Variants in SVEP1 observed in about 807,000 individuals in gnomAD.
SVEP1 encodes sushi, von Willebrand factor type A, EGF and pentraxin domain-containing protein 1.
A neutral mutation model predicts 367.3 loss-of-function variants in SVEP1; 164 were observed. That is an observed-to-expected ratio of 0.45 (90% CI 0.39 to 0.51). The LOEUF (loss-of-function observed/expected upper bound fraction) is 0.51. Ranked by LOEUF, SVEP1 falls within the 20% of genes least tolerant of loss-of-function variation. The pLI, the probability that SVEP1 is intolerant of heterozygous loss-of-function variation, is 0.00. For synonymous variants in SVEP1, 1,666 were observed against 1,611.6 expected (o/e 1.03, Z -0.81); for missense variants, 4,117 against 4,425.3 (o/e 0.93, Z 1.98).
At chr9:110,433,951 G>T (rs990953127) in intron 30 of SVEP1, among the ~76,000 whole-genome samples, 4 of 152,152 alleles carry the variant, frequency 2.6e-5, no homozygotes, top group African/African-American at 2.4e-5. Flanking sequence ...CCAGGACCTA[G>T]ATCAGTGCCT....
At chr9:110,436,349 A>AT (rs758890266) in intron 28 of SVEP1, 31 bp downstream of exon 28, 2 of 1,612,922 alleles carry the variant, frequency 1.2e-6, no homozygotes, top group African/African-American at 2.7e-5. Flanking sequence ...TTTGCATCTC[A>AT]TTACTGTCAT....
intron 42 of SVEP1, 26 bp downstream of exon 42, chr9:110,387,259 A>C (rs1342219791): frequency 1.3e-6 from 2 of 1,549,084 alleles, no homozygotes; most frequent in Non-Finnish European, 1.7e-6. Context: ...AATCTGATTA[A>C]AATTTCTCCT....
At position 110,374,508 on chromosome 9, in the gene SVEP1, G is replaced by A. The variant is rs562213513; in HGVS notation, c.10600+860C>T. ...CTACTAAAAATAGAAAAATTAGCAG[G>A]GTATGGCAGCAGGTGACTGTAATCC... On this transcript the variant is annotated intron_variant, in intron 46 of 47. Transcript: ENST00000374469. Among the ~76,000 whole-genome samples the A allele has an allele frequency of 7.3e-4, 111 of 152,216 alleles. 1 individual carries two copies. The highest frequency in any genetic ancestry group is 2.6e-3 in the African/African-American group (107 of 41,518).
At chr9:110,472,060 A>T in intron 15 of SVEP1, 99 bp downstream of exon 15, 1 of 1,236,586 alleles carries the variant, frequency 8.1e-7, no homozygotes, top group Non-Finnish European at 1.1e-6. Context: ...TTCCAGAGTC[A>T]TTTCCTAATA....
intron 17 of SVEP1, among the ~76,000 whole-genome samples, chr9:110,468,678 C>T (rs1275132166): frequency 6.6e-6 from 1 of 152,224 alleles, no homozygotes. Context: ...CCCAATAGGT[C>T]ATTCTACTCC....
chr9:110,476,868 C>T (rs117150197), intron 13 of SVEP1, among the ~76,000 whole-genome samples: 7 of 152,136 alleles, frequency 4.6e-5, no homozygotes, highest in African/African-American at 1.7e-4. Flanking sequence ...CTCTTCGTTG[C>T]TGTTTCCAGA....
intron 3 of SVEP1, among the ~76,000 whole-genome samples, chr9:110,541,073 T>G (rs1830138984): frequency 6.6e-6 from 1 of 152,180 alleles, no homozygotes; most frequent in South Asian, 2.1e-4. Context: ...ACCTTAATTC[T>G]ACTTCAGCTC....
At chr9:110,533,605 T>TGTGTGC (rs980433415) in intron 3 of SVEP1, among the ~76,000 whole-genome samples, 4 of 107,976 alleles carry the variant, frequency 3.7e-5, no homozygotes, top group Admixed American at 3.4e-4. Flanking sequence ...TGTGTGTGTG[T>TGTGTGC]GTGCACGCAC....
intron 3 of SVEP1, among the ~76,000 whole-genome samples, chr9:110,517,998 ATTATCT>A (rs144681939): frequency 0.012 from 1,815 of 152,200 alleles, 40 homozygotes; most frequent in African/African-American, 0.041. Context: ...CTTGAAGAAA[ATTATCT>A]TTATGGTTTT....
At chr9:110,508,674 T>C (rs989060379) in intron 5 of SVEP1, among the ~76,000 whole-genome samples, 1 of 140,098 alleles carries the variant, frequency 7.1e-6, no homozygotes, top group Non-Finnish European at 1.5e-5. Context: ...GGCAGGAGAA[T>C]GGCGTGAACC....
At chr9:110,542,684 T>C (rs1290261662) in intron 3 of SVEP1, among the ~76,000 whole-genome samples, 1 of 152,152 alleles carries the variant, frequency 6.6e-6, no homozygotes, top group Non-Finnish European at 1.5e-5. Flanking sequence ...TGCTCACTAT[T>C]GAATACCTAC....
chr9:110,528,885 T>A (rs1197728871), intron 3 of SVEP1, among the ~76,000 whole-genome samples: 1 of 151,876 alleles, frequency 6.6e-6, no homozygotes, highest in Non-Finnish European at 1.5e-5. Flanking sequence ...ATTTTAATTT[T>A]TAATTTATTA....
At chr9:110,510,228 T>G (rs772186479) in intron 5 of SVEP1, among the ~76,000 whole-genome samples, 2 of 152,222 alleles carry the variant, frequency 1.3e-5, no homozygotes, top group Non-Finnish European at 2.9e-5. Flanking sequence ...AGACCTTCCA[T>G]GAGTTTCTCC....
intron 30 of SVEP1, among the ~76,000 whole-genome samples, chr9:110,433,927 G>A (rs1240577173): frequency 1.3e-5 from 2 of 151,966 alleles, no homozygotes; most frequent in Non-Finnish European, 2.9e-5. Context: ...TTTTTCCCCT[G>A]AACTGCTGCA....
Position 110,411,141 on chromosome 9 carries a change from C to T in SVEP1, c.6570G>A (p.Gly2190=), listed in dbSNP as rs762890171. The T allele has an allele frequency of 1.2e-6, 2 of 1,613,844 alleles. No homozygotes were observed. Among genetic ancestry groups the T allele is most frequent in the East Asian group, 2.2e-5 (1 of 44,886 alleles). Residue 2190 remains glycine (G), a synonymous_variant, in exon 37 of 48, where the codon GGG becomes GGA. Transcript: ENST00000374469. ...ACGTCGGTATAGGACTACTCCACTG[C>T]CCTGTGGCTTCGCAGGTGCTCTTCT... ...GEKKSTCEAT[G]QWSSPIPTCH...
At chr9:110,446,857 C>T (rs1828608361) in intron 25 of SVEP1, 43 bp downstream of exon 25, 1 of 1,435,192 alleles carries the variant, frequency 7.0e-7, no homozygotes, top group South Asian at 1.6e-5. Context: ...TATTATATTA[C>T]TATTGTTAGT....
intron 40 of SVEP1, among the ~76,000 whole-genome samples, chr9:110,393,032 TA>T: frequency 6.6e-6 from 1 of 152,228 alleles, no homozygotes; most frequent in Non-Finnish European, 1.5e-5. Flanking sequence ...TTCTAACATG[TA>T]TAATAGCTTG....
At chr9:110,554,719 T>C (rs938029137) in intron 1 of SVEP1, among the ~76,000 whole-genome samples, 29 of 136,102 alleles carry the variant, frequency 2.1e-4, no homozygotes, top group African/African-American at 8.2e-4. Context: ...TGTGTATGTA[T>C]AGATGTGCGT....
chr9:110,483,455 A>C, intron 10 of SVEP1, 131 bp downstream of exon 10: 1 of 484,766 alleles, frequency 2.1e-6, no homozygotes. Flanking sequence ...AAAACATGTT[A>C]ACTTATATAA....
Sources: allele counts gnomAD v4.1 joint callset (sites outside exome capture counted in the v4.1 genomes callset), GRCh38; gene constraint gnomAD v4.1.1; transcripts MANE v1.5; gene names NCBI Gene and HGNC (gene_info 2026-07-23, HGNC 2026-07-21).